The following PLEKHG1 variants were observed in gnomAD, a reference collection of about 807,000 sequenced individuals.
PLEKHG1 encodes the protein pleckstrin homology domain-containing family G member 1.
In PLEKHG1, 44 loss-of-function variants were observed where a neutral mutation model predicts 100.8. The observed-to-expected ratio is 0.44, with a 90% CI of 0.34 to 0.56. The LOEUF (loss-of-function observed/expected upper bound fraction) is 0.56, where lower values mean the gene tolerates loss of function less well. PLEKHG1 is among the 20% of genes least tolerant of loss of function. PLEKHG1 has a pLI of 0.01. For synonymous variants in PLEKHG1, 640 were observed against 662.5 expected (o/e 0.97, Z 0.52); for missense variants, 1,545 against 1,720.9 (o/e 0.90, Z 1.81).
intron 4 of PLEKHG1, among the ~76,000 whole-genome samples, chr6:150,788,098 C>T (rs1417738971): frequency 6.6e-6 from 1 of 152,246 alleles, no homozygotes; most frequent in East Asian, 1.9e-4. Context: ...GTATGCTTAG[C>T]TCTCGCTTAA....
At chr6:150,842,744 CTG>C (rs1777582766) in exon 16 of PLEKHG1, 1 of 152,240 alleles carries the variant, frequency 6.6e-6, no homozygotes, top group African/African-American at 2.4e-5. Flanking sequence ...TTTCTTGAGA[CTG>C]AGTCTCTCCC....
intron 3 of PLEKHG1, among the ~76,000 whole-genome samples, chr6:150,655,018 T>C (rs1010750387): frequency 6.6e-5 from 10 of 152,224 alleles, no homozygotes; most frequent in Non-Finnish European, 1.3e-4. Context: ...TTTAAAAATA[T>C]GTAAAGTTTA....
intron 3 of PLEKHG1, among the ~76,000 whole-genome samples, chr6:150,660,371 A>C (rs1779138639): frequency 6.6e-6 from 1 of 152,216 alleles, no homozygotes; most frequent in South Asian, 2.1e-4. Flanking sequence ...TTAACCCACT[A>C]AATGAGGAAA....
chr6:150,806,660 C>A, intron 7 of PLEKHG1, among the ~76,000 whole-genome samples: 1 of 88,058 alleles, frequency 1.1e-5, no homozygotes, highest in Admixed American at 1.1e-4. Context: ...GCGAGACTGT[C>A]TCAAAAAAAA....
intron 2 of PLEKHG1, among the ~76,000 whole-genome samples, chr6:150,757,764 T>G (rs1464050258): frequency 6.6e-6 from 1 of 152,204 alleles, no homozygotes; most frequent in African/African-American, 2.4e-5. Context: ...TAGGTAAACA[T>G]GTCCCATGGT....
chr6:150,726,629 C>T (rs947365833), intron 1 of PLEKHG1, among the ~76,000 whole-genome samples: 2 of 152,150 alleles, frequency 1.3e-5, no homozygotes, highest in Non-Finnish European at 2.9e-5. Context: ...AATAGATTTA[C>T]ATGGTAAAAC....
chr6:150,623,638 C>T (rs1777399165), intron 1 of PLEKHG1, among the ~76,000 whole-genome samples: 1 of 152,204 alleles, frequency 6.6e-6, no homozygotes, highest in Non-Finnish European at 1.5e-5. Flanking sequence ...GGCCTCAGGC[C>T]CCCCACGTGT....
exon 16 of PLEKHG1, chr6:150,841,757 AT>A (rs1399801218): frequency 6.6e-6 from 1 of 152,244 alleles, no homozygotes; most frequent in Non-Finnish European, 1.5e-5. Flanking sequence ...CCACCAGACC[AT>A]TTTGTGTGCC....
intron 3 of PLEKHG1, among the ~76,000 whole-genome samples, chr6:150,779,344 G>GTTTT (rs71554482): frequency 1.9e-5 from 2 of 104,534 alleles, no homozygotes; most frequent in Admixed American, 2.1e-4. Context: ...TTGTCAAGAA[G>GTTTT]TTTTTTTTTT....
chr6:150,766,433 GTGAA>G (rs1178317347), intron 2 of PLEKHG1, among the ~76,000 whole-genome samples: 1 of 152,222 alleles, frequency 6.6e-6, no homozygotes, highest in African/African-American at 2.4e-5. Context: ...GATTACAGCT[GTGAA>G]TGCAGGGCAT....
intron 1 of PLEKHG1, among the ~76,000 whole-genome samples, chr6:150,629,300 T>C (rs569703237): frequency 2.0e-5 from 3 of 152,266 alleles, no homozygotes; most frequent in Non-Finnish European, 2.9e-5. Flanking sequence ...GATTCTACAT[T>C]GCGGCAACAT....
intron 3 of PLEKHG1, among the ~76,000 whole-genome samples, chr6:150,655,293 A>G (rs1351639362): frequency 6.6e-6 from 1 of 152,234 alleles, no homozygotes; most frequent in Non-Finnish European, 1.5e-5. Flanking sequence ...TATATACCCA[A>G]AGGATTATAA....
intron 10 of PLEKHG1, among the ~76,000 whole-genome samples, chr6:150,816,840 G>A (rs952357332): frequency 6.6e-6 from 1 of 152,094 alleles, no homozygotes; most frequent in African/African-American, 2.4e-5. Flanking sequence ...TAGCATCACT[G>A]CCTCAGCTCC....
intron 2 of PLEKHG1, among the ~76,000 whole-genome samples, chr6:150,754,733 A>C (rs1342533196): frequency 6.6e-6 from 1 of 151,264 alleles, no homozygotes; most frequent in Non-Finnish European, 1.5e-5. Context: ...CAATGGCACA[A>C]TCTTGGCTCA....
intron 3 of PLEKHG1, among the ~76,000 whole-genome samples, chr6:150,715,964 C>T (rs1246410357): frequency 3.4e-5 from 5 of 148,278 alleles, no homozygotes; most frequent in Non-Finnish European, 6.0e-5. Context: ...AAAAATTAGC[C>T]GGGCGTGGTG....
At chr6:150,797,071 A>G (rs1031877628) in intron 5 of PLEKHG1, among the ~76,000 whole-genome samples, 2 of 151,840 alleles carry the variant, frequency 1.3e-5, no homozygotes, top group Non-Finnish European at 2.9e-5. Context: ...GCTCACTGCA[A>G]CCTCTACCTT....
chr6:150,638,716 A>G (rs9384571), intron 2 of PLEKHG1, among the ~76,000 whole-genome samples: 35,368 of 152,124 alleles, frequency 0.23, 4,179 homozygotes, highest in South Asian at 0.29. Context: ...CTAAAAACTT[A>G]ATTAAACTGA....
At chr6:150,652,778 C>A (rs1778804726) in intron 3 of PLEKHG1, among the ~76,000 whole-genome samples, 1 of 150,894 alleles carries the variant, frequency 6.6e-6, no homozygotes, top group African/African-American at 2.4e-5. Flanking sequence ...TATACCAGGT[C>A]TTTTTTTTAA....
Position 150,776,572 on chromosome 6 carries a change from C to G in PLEKHG1, c.512+7834C>G, listed in dbSNP as rs557836786. On this transcript the variant is annotated intron_variant, in intron 3 of 15. Transcript: ENST00000358517. Reference sequence around the variant, plus strand: ...CTCACACTGATGCAATCCTGGTGCACATGTGCAGTTGCACATTACTCACAC... The same window carrying G: ...CTCACACTGATGCAATCCTGGTGCAGATGTGCAGTTGCACATTACTCACAC... Among the ~76,000 whole-genome samples, 283 of 137,786 alleles carry G rather than the reference C, an allele frequency of 2.1e-3. 30 individuals carry two copies. The highest frequency in any genetic ancestry group is 3.4e-3 in the Non-Finnish European group (226 of 66,414). The allele number at this position is 137,786 out of a possible 152,430, so 90.4% of individuals were successfully genotyped here.
Sources: allele counts gnomAD v4.1 joint callset (sites outside exome capture counted in the v4.1 genomes callset), GRCh38; gene constraint gnomAD v4.1.1; transcripts MANE v1.5; gene names NCBI Gene and HGNC (gene_info 2026-07-23, HGNC 2026-07-21).